Variants in OR6C6 observed in about 807,000 individuals in gnomAD.
OR6C6 encodes the protein olfactory receptor family 6 subfamily C member 6, also known as olfactory receptor 6C6.
For missense variants in OR6C6, 411 were observed against 366.8 expected (o/e 1.12, Z -0.98); for synonymous variants, 140 against 135.2 (o/e 1.04, Z -0.25).
chr12:55,295,203 G>T lies in OR6C6; in HGVS notation c.30C>A (p.Phe10Leu), dbSNP rs1343343922. 4 of 1,608,760 alleles carry T rather than the reference G, an allele frequency of 2.5e-6. No homozygotes were observed. The highest frequency in any genetic ancestry group is 1.1e-5 in the South Asian group (1 of 90,584). Residue 10 changes from phenylalanine to leucine, a missense_variant, in exon 2 of 2, where the codon TTC becomes TTA. Transcript: ENST00000358433. MKNKSMEIE[F>L]ILLGLTDDPQ... ...GGTCATCTGTCAATCCTAGGAGAATGAACTCTATTTCCATTGATTTGTTCT... is the reference window on the plus strand; with the variant it reads ...GGTCATCTGTCAATCCTAGGAGAATTAACTCTATTTCCATTGATTTGTTCT...
Position 55,294,265 on chromosome 12 carries a change from A to T in OR6C6, c.*23T>A. On this transcript the variant is annotated 3_prime_UTR_variant, in exon 2 of 2. Transcript: ENST00000358433. ...AGGCCGTTTTCCAGTTTTTATGGTA[A>T]AGTTGTAATTTGTAGCAGATTCTTA... 7.0e-7 allele frequency: 1 copy of T among 1,432,478 alleles called. No individual in the cohort carries two copies. Among genetic ancestry groups the T allele is most frequent in the South Asian group, 1.2e-5 (1 of 80,074 alleles). The allele number at this position is 1,432,478 out of a possible 1,614,324, so 88.7% of individuals were successfully genotyped here. A position where few individuals can be genotyped will look rare whatever the true frequency, so the allele number is the denominator to read the frequency against.
Position 55,294,297 on chromosome 12 carries a change from T to C in OR6C6, c.936A>G (p.Arg312=), listed in dbSNP as rs775591301. 5.1e-6 allele frequency: 8 copies of C among 1,576,830 alleles called. No homozygotes were observed. In the East Asian group the frequency reaches 1.6e-4, roughly 31 times the overall value. ...VLQKNLCFSK[R]PF ...AATTTGTAGCAGATTCTTAAAATGG[T>C]CTTTTAGAAAAACACAAATTCTTTT... Residue 312 remains arginine (R), a synonymous_variant, in exon 2 of 2, where the codon AGA becomes AGG. Coordinates refer to ENST00000358433, the MANE Select transcript of OR6C6 (RefSeq NM_001005493.2).
At chr12:55,295,939 T>C (rs1395048258) in intron 1 of OR6C6, among the ~76,000 whole-genome samples, 1 of 152,014 alleles carries the variant, frequency 6.6e-6, no homozygotes, top group Non-Finnish European at 1.5e-5. Context: ...TTAACCTTTT[T>C]GAAATGTCAT....
chr12:55,294,919 G>T lies in OR6C6; in HGVS notation c.314C>A (p.Pro105Gln). 6.2e-7 allele frequency: 1 copy of T among 1,613,740 alleles called. No homozygotes were observed. Among genetic ancestry groups the T allele is most frequent in the Non-Finnish European group, 8.5e-7 (1 of 1,179,892 alleles). ...CAGGAGGTAAAACTCAGTAACTCCCGGTAAAAGGATAAAAAATAATTGAGT... is the reference window on the plus strand; with the variant it reads ...CAGGAGGTAAAACTCAGTAACTCCCTGTAAAAGGATAAAAAATAATTGAGT... ...CATQLFFILL[P>Q]GVTEFYLLAA... Residue 105 changes from proline to glutamine, a missense_variant, in exon 2 of 2, where the codon CCG becomes CAG. Pro to Gln is a moderately conservative substitution (Grantham distance 76, BLOSUM62 -1). Transcript: ENST00000358433.
chr12:55,295,475 T>C (rs1007908341), intron 1 of OR6C6, among the ~76,000 whole-genome samples: 5 of 152,072 alleles, frequency 3.3e-5, no homozygotes, highest in Non-Finnish European at 7.4e-5. Flanking sequence ...TTCCAGAACT[T>C]GAATAATATA....
intron 1 of OR6C6, among the ~76,000 whole-genome samples, chr12:55,296,001 T>C (rs753439105): frequency 4.0e-5 from 6 of 151,852 alleles, no homozygotes; most frequent in Non-Finnish European, 7.4e-5. Flanking sequence ...CTCCATATTC[T>C]TTATAACACC....
chr12:55,296,349 G>C lies in OR6C6; in HGVS notation c.-56C>G, dbSNP rs1477235716. ...TTGGATCTATTATTCATTTCTTTCTGTGTGCACGGAAGAGATGCATGCTAA... is the reference window on the plus strand; with the variant it reads ...TTGGATCTATTATTCATTTCTTTCTCTGTGCACGGAAGAGATGCATGCTAA... On this transcript the variant is annotated 5_prime_UTR_variant, in exon 1 of 2. Coordinates refer to ENST00000358433, the MANE Select transcript of OR6C6 (RefSeq NM_001005493.2). The C allele has an allele frequency of 6.6e-6, 1 of 151,800 alleles. No individual in the cohort carries two copies. Among genetic ancestry groups the C allele is most frequent in the East Asian group, 1.9e-4 (1 of 5,180 alleles). The allele number at this position is 151,800 out of a possible 1,614,324, so 9.4% of individuals were successfully genotyped here.
Position 55,295,162 on chromosome 12 carries a change from A to G in OR6C6, c.71T>C (p.Val24Ala), listed in dbSNP as rs1565656531. The G allele has an allele frequency of 1.9e-6, 3 of 1,613,650 alleles. No homozygotes were observed. The highest frequency in any genetic ancestry group is 1.7e-5 in the Admixed American group (1 of 59,940). ...GLTDDPQLQI[V>A]IFLFLFLNYT... ...GTTGAGAAATAGAAACAGGAAAATCACAATTTGCAACTGTGGGTCATCTGT... is the reference window on the plus strand; with the variant it reads ...GTTGAGAAATAGAAACAGGAAAATCGCAATTTGCAACTGTGGGTCATCTGT... Residue 24 changes from valine (V) to alanine (A), a missense_variant, in exon 2 of 2, where the codon GTG (valine) becomes GCG (alanine). By Grantham distance (64) the Val-to-Ala change is moderately conservative. Transcript: ENST00000358433.
rs774853693 is a variant in OR6C6 at position 55,295,083 on chromosome 12, A to T, written c.150T>A (p.Asp50Glu). The change falls in exon 2 of 2, where the codon GAT becomes GAA. Residue 50 changes from aspartate (D) to glutamate (E), a missense_variant. Coordinates refer to ENST00000358433, the MANE Select transcript of OR6C6 (RefSeq NM_001005493.2). ...NLIIIILTLL[D>E]PRLKTPMYFF... ...AATACATTGGCGTCTTGAGCCGGGG[A>T]TCCAGCAGGGTGAGGATGATGATGA... is the stretch of plus-strand genomic sequence containing the variant. The T allele has an allele frequency of 1.8e-5, 29 of 1,613,914 alleles. No individual in the cohort carries two copies. Among genetic ancestry groups the T allele is most frequent in the African/African-American group, 1.3e-5 (1 of 74,920 alleles).
In OR6C6 at chr12:55,294,974, C is replaced by A. The variant is rs1868248041; in HGVS notation, c.259G>T (p.Asp87Tyr). ...PRFLITIVTR[D>Y]KTISYNNCAT... The stretch of plus-strand genomic sequence containing the variant: ...CAATTATTATAAGAAATGGTTTTGT[C>A]TCTAGTCACAATGGTTATCAAGAAT... Residue 87 changes from aspartate (D) to tyrosine (Y), a missense_variant, in exon 2 of 2, where the codon GAC (aspartate) becomes TAC (tyrosine). Physicochemically the swap from Asp to Tyr is radical, Grantham distance 160. Coordinates refer to ENST00000358433, the MANE Select transcript of OR6C6 (RefSeq NM_001005493.2). 3 of 1,613,610 alleles carry A rather than the reference C, an allele frequency of 1.9e-6. No individual in the cohort carries two copies. Among genetic ancestry groups the A allele is most frequent in the Non-Finnish European group, 1.7e-6 (2 of 1,179,826 alleles).
Position 55,295,039 on chromosome 12 carries a change from G to A in OR6C6, c.194C>T (p.Ser65Phe). 1 of 1,613,930 alleles carries A rather than the reference G, an allele frequency of 6.2e-7. No individual in the cohort carries two copies. Among genetic ancestry groups the A allele is most frequent in the Non-Finnish European group, 8.5e-7 (1 of 1,179,958 alleles). Residue 65 changes from serine (S) to phenylalanine (F), a missense_variant, in exon 2 of 2, where the codon TCC (serine) becomes TTC (phenylalanine). Transcript: ENST00000358433. ...TGTTGTGAATATTACTTCCAAAAAG[G>A]AGAAATTACGGAGAAAGAAATACAT... ...TPMYFFLRNF[S>F]FLEVIFTTVC...
Position 55,294,927 on chromosome 12 carries a change from G to C in OR6C6, c.306C>G (p.Ile102Met), listed in dbSNP as rs866508134. The C allele has an allele frequency of 1.9e-6, 3 of 1,613,718 alleles. No homozygotes were observed. Among genetic ancestry groups the C allele is most frequent in the Non-Finnish European group, 2.5e-6 (3 of 1,179,930 alleles). Reference sequence around the variant, plus strand: ...AAAACTCAGTAACTCCCGGTAAAAGGATAAAAAATAATTGAGTTGCACAAT... The same window carrying C: ...AAAACTCAGTAACTCCCGGTAAAAGCATAAAAAATAATTGAGTTGCACAAT... ...YNNCATQLFFILLPGVTEFYL... is the reference protein window; with the variant it reads ...YNNCATQLFFMLLPGVTEFYL... Residue 102 changes from isoleucine to methionine, a missense_variant, in exon 2 of 2, where the codon ATC becomes ATG. By Grantham distance (10) the Ile-to-Met change is conservative (BLOSUM62 1). Coordinates refer to ENST00000358433, the MANE Select transcript of OR6C6 (RefSeq NM_001005493.2).
In OR6C6 at chr12:55,294,708, A is replaced by T. The variant is rs1203553170; in HGVS notation, c.525T>A (p.Phe175Leu). 1 of 1,614,130 alleles carries T rather than the reference A, an allele frequency of 6.2e-7. No homozygotes were observed. The highest frequency in any genetic ancestry group is 1.3e-5 in the African/African-American group (1 of 75,050). ...GCAGAATAGGAGAAGTTTCACACATAAAGTGGTCAATAGTTTTGGAAGCAC... is the reference window on the plus strand; with the variant it reads ...GCAGAATAGGAGAAGTTTCACACATTAAGTGGTCAATAGTTTTGGAAGCAC... ...DFCASKTIDHFMCETSPILQI... is the reference protein window; with the variant it reads ...DFCASKTIDHLMCETSPILQI... The change falls in exon 2 of 2, where the codon TTT becomes TTA. Residue 175 changes from phenylalanine to leucine, a missense_variant. Physicochemically the swap from Phe to Leu is conservative, Grantham distance 22 (BLOSUM62 0). Coordinates refer to ENST00000358433, the MANE Select transcript of OR6C6 (RefSeq NM_001005493.2).
Position 55,294,569 on chromosome 12 carries a change from T to C in OR6C6, c.664A>G (p.Thr222Ala). 1 of 1,614,080 alleles carries C rather than the reference T, an allele frequency of 6.2e-7. No individual in the cohort carries two copies. The highest frequency in any genetic ancestry group is 8.5e-7 in the Non-Finnish European group (1 of 1,180,010). ...TGTGCAGAAGAGAATTTCAGAATGG[T>C]CTTAATAATGCAAGTGTAAGAGAGA... ...VILSYTCIIK[T>A]ILKFSSAQQR... Residue 222 changes from threonine (T) to alanine (A), a missense_variant, in exon 2 of 2, where the codon ACC becomes GCC. Physicochemically the swap from Thr to Ala is moderately conservative, Grantham distance 58. Transcript: ENST00000358433.
rs1441967294 is a variant in OR6C6, at chr12:55,296,396, T to C, written c.-103A>G. ...CTAACATAATTAGTGACAATTCTACTCATTTTATGACCACATTTTATTATC... is the reference window on the plus strand; with the variant it reads ...CTAACATAATTAGTGACAATTCTACCCATTTTATGACCACATTTTATTATC... On this transcript the variant is annotated 5_prime_UTR_variant, in exon 1 of 2. Coordinates refer to ENST00000358433, the MANE Select transcript of OR6C6 (RefSeq NM_001005493.2). 6.6e-6 allele frequency: 1 copy of C among 152,032 alleles called. No homozygotes were observed. Among genetic ancestry groups the C allele is most frequent in the Non-Finnish European group, 1.5e-5 (1 of 67,932 alleles). 9.4% of individuals were successfully genotyped at this position (152,032 alleles called of 1,614,324 possible).
chr12:55,295,875 A>C (rs11171403), intron 1 of OR6C6, among the ~76,000 whole-genome samples: 1 of 152,124 alleles, frequency 6.6e-6, no homozygotes, highest in African/African-American at 2.4e-5. Context: ...AAATGAAAAC[A>C]TGATAAAATA....
chr12:55,295,262 A>C lies in OR6C6; in HGVS notation c.-25-5T>G. On this transcript the variant is annotated splice_region_variant and splice_polypyrimidine_tract_variant and intron_variant, in intron 1 of 1. Coordinates refer to ENST00000358433, the MANE Select transcript of OR6C6 (RefSeq NM_001005493.2). ...CTTTTGTGATCCTTATCAAATCTAC[A>C]TAGAAAGGGAAAAACAAAATTTATA... The C allele has an allele frequency of 7.0e-7, 1 of 1,422,660 alleles. No homozygotes were observed. Among genetic ancestry groups the C allele is most frequent in the Non-Finnish European group, 9.6e-7 (1 of 1,040,450 alleles). The allele number at this position is 1,422,660 out of a possible 1,614,324, so 88.1% of individuals were successfully genotyped here.
Position 55,294,358 on chromosome 12 carries a change from T to C in OR6C6, c.875A>G (p.Asn292Ser). The change falls in exon 2 of 2, where the codon AAC (asparagine) becomes AGC (serine). Residue 292 changes from asparagine (N) to serine (S), a missense_variant. Asn to Ser is a conservative substitution (Grantham distance 46). Coordinates refer to ENST00000358433, the MANE Select transcript of OR6C6 (RefSeq NM_001005493.2). ...LLNPFIYTLR[N>S]QQVKEVFWDV... ...CCAGAAGACTTCTTTCACCTGCTGG[T>C]TTCTGAGAGTATAAATGAAGGGATT... The C allele has an allele frequency of 1.2e-6, 2 of 1,613,610 alleles. No individual in the cohort carries two copies. The highest frequency in any genetic ancestry group is 1.1e-5 in the South Asian group (1 of 91,068).
At position 55,294,456 on chromosome 12, in the gene OR6C6, T is replaced by C; in HGVS notation, c.777A>G (p.Lys259=). Residue 259 remains lysine (K), a synonymous_variant, in exon 2 of 2, where the codon AAA becomes AAG. Coordinates refer to ENST00000358433, the MANE Select transcript of OR6C6 (RefSeq NM_001005493.2). ...TYGSCIFMYI[K]PSAKERVTVS... ...CAGTCACTCTTTCTTTTGCAGATGGTTTAATATACATAAAGATACAGCTAC... is the reference window on the plus strand; with the variant it reads ...CAGTCACTCTTTCTTTTGCAGATGGCTTAATATACATAAAGATACAGCTAC... The C allele has an allele frequency of 6.2e-7, 1 of 1,613,832 alleles. No individual in the cohort carries two copies. The highest frequency in any genetic ancestry group is 8.5e-7 in the Non-Finnish European group (1 of 1,179,814).
Sources: gnomAD v4.1 joint callset for allele counts (sites outside exome capture counted in the v4.1 genomes callset) on GRCh38, gnomAD v4.1.1 for gene constraint, MANE v1.5 for transcripts, NCBI Gene and HGNC (gene_info 2026-07-23, HGNC 2026-07-21) for gene names.